Variants in SCHIP1 observed in about 807,000 individuals in gnomAD.
SCHIP1 encodes schwannomin interacting protein 1.
In SCHIP1, 8 loss-of-function variants were observed where a neutral mutation model predicts 29.7. The observed-to-expected ratio is 0.27, with a 90% confidence interval of 0.16 to 0.49. The LOEUF (loss-of-function observed/expected upper bound fraction) is 0.49. SCHIP1 is among the 20% of genes least tolerant of loss of function. The pLI, the probability that SCHIP1 is intolerant of heterozygous loss-of-function variation, is 0.99. For synonymous variants in SCHIP1, 76 were observed against 94.9 expected, an observed-to-expected ratio of 0.80 and a Z score of 1.16; for missense variants, 193 against 294.6, an observed-to-expected ratio of 0.66 and a Z score of 2.52.
intron 2 of SCHIP1, among the ~76,000 whole-genome samples, chr3:159,882,545 C>G (rs932169196): frequency 6.6e-6 from 1 of 152,148 alleles, no homozygotes; most frequent in Admixed American, 6.6e-5. Flanking sequence ...AACAAAGGCC[C>G]AATTCATAAT....
the SCHIP1 span, among the ~76,000 whole-genome samples, chr3:159,479,448 A>G: frequency 2.0e-5 from 3 of 152,210 alleles, no homozygotes; most frequent in Non-Finnish European, 4.4e-5. Context: ...GATGTAGAAT[A>G]GCCTTTATGT....
the SCHIP1 span, among the ~76,000 whole-genome samples, chr3:159,662,869 CAATTT>C: frequency 4.7e-3 from 711 of 152,166 alleles, 7 homozygotes; most frequent in African/African-American, 0.016. Flanking sequence ...ATCAAATGGT[CAATTT>C]AATTTTTTAA....
chr3:159,729,842 A>C, the SCHIP1 span, among the ~76,000 whole-genome samples: 1 of 152,246 alleles, frequency 6.6e-6, no homozygotes, highest in Non-Finnish European at 1.5e-5. Flanking sequence ...TTTAGCTGCA[A>C]TAGACTAGAA....
intron 1 of SCHIP1, among the ~76,000 whole-genome samples, chr3:159,865,543 C>T (rs1376247813): frequency 6.6e-6 from 1 of 152,198 alleles, no homozygotes; most frequent in Non-Finnish European, 1.5e-5. Flanking sequence ...GTCAAGGTTT[C>T]TCACATTCTA....
At chr3:159,885,971 A>G (rs1353170761) in intron 2 of SCHIP1, among the ~76,000 whole-genome samples, 1 of 152,228 alleles carries the variant, frequency 6.6e-6, no homozygotes, top group Non-Finnish European at 1.5e-5. Flanking sequence ...GTGCTCTAAC[A>G]TGGGGCCTTA....
chr3:159,613,207 C>T, the SCHIP1 span, among the ~76,000 whole-genome samples: 2 of 152,126 alleles, frequency 1.3e-5, no homozygotes, highest in African/African-American at 4.8e-5. Flanking sequence ...TGAAATTCTG[C>T]AAGATAGAAT....
chr3:159,403,150 G>T, the SCHIP1 span, among the ~76,000 whole-genome samples: 2 of 152,116 alleles, frequency 1.3e-5, no homozygotes, highest in Non-Finnish European at 2.9e-5. Context: ...CAAATAAAAT[G>T]TAGGGATAAT....
At chr3:159,705,799 CG>C in the SCHIP1 span, among the ~76,000 whole-genome samples, 4 of 152,028 alleles carry the variant, frequency 2.6e-5, no homozygotes, top group African/African-American at 9.7e-5. Context: ...CTCCGCCTCC[CG>C]GGTTCAAGCA....
At chr3:159,322,653 G>A in the SCHIP1 span, among the ~76,000 whole-genome samples, 66 of 152,318 alleles carry the variant, frequency 4.3e-4, no homozygotes, top group African/African-American at 1.4e-3. Context: ...GGAGTGTGAG[G>A]TGGGGTGGGG....
the SCHIP1 span, among the ~76,000 whole-genome samples, chr3:159,650,136 A>T: frequency 0.13 from 20,167 of 152,132 alleles, 3,646 homozygotes; most frequent in African/African-American, 0.41. Flanking sequence ...TCTGGTATAA[A>T]CTATCCAGGA....
At chr3:159,778,151 G>A in the SCHIP1 span, among the ~76,000 whole-genome samples, 5 of 152,008 alleles carry the variant, frequency 3.3e-5, no homozygotes, top group African/African-American at 9.7e-5. Flanking sequence ...CTGCCAGCAC[G>A]CCCAGCTAAT....
chr3:159,502,184 C>T, the SCHIP1 span, among the ~76,000 whole-genome samples: 2 of 152,154 alleles, frequency 1.3e-5, no homozygotes, highest in Non-Finnish European at 2.9e-5. Flanking sequence ...CTCAAGCTCA[C>T]TTGGGACAAA....
At chr3:159,854,577 C>T (rs1713092823) in intron 1 of SCHIP1, among the ~76,000 whole-genome samples, 1 of 152,226 alleles carries the variant, frequency 6.6e-6, no homozygotes, top group Admixed American at 6.5e-5. Context: ...TGATAGTTCG[C>T]TGAGTCTCAT....
chr3:159,534,581 G>A, the SCHIP1 span, among the ~76,000 whole-genome samples: 4 of 152,116 alleles, frequency 2.6e-5, 1 homozygote, highest in Admixed American at 2.6e-4. Context: ...AGCAGGTGGG[G>A]AAAGAGAGAA....
chr3:159,764,560 T>C, the SCHIP1 span: 1 of 1,602,378 alleles, frequency 6.2e-7, no homozygotes, highest in South Asian at 1.1e-5. The surrounding 1 kb of genome is among the most constrained non-coding windows in gnomAD (Gnocchi z 6.1). Flanking sequence ...GTGCAAATCT[T>C]CATCGTCGCC....
the SCHIP1 span, among the ~76,000 whole-genome samples, chr3:159,699,106 G>GT: frequency 6.6e-6 from 1 of 152,166 alleles, no homozygotes; most frequent in Admixed American, 6.5e-5. Flanking sequence ...TCTGTGCCCA[G>GT]TGGAAGCTAA....
chr3:159,601,350 T>C, the SCHIP1 span, among the ~76,000 whole-genome samples: 1 of 151,996 alleles, frequency 6.6e-6, no homozygotes, highest in Non-Finnish European at 1.5e-5. Flanking sequence ...TTTTCTGCTC[T>C]CTATGGAAGC....
chr3:159,510,905 C>T, the SCHIP1 span, among the ~76,000 whole-genome samples: 1 of 152,204 alleles, frequency 6.6e-6, no homozygotes, highest in Non-Finnish European at 1.5e-5. Flanking sequence ...AGTTAGGCTA[C>T]TCAGGGGTCA....
At chr3:159,664,460 GTTTTT>G in the SCHIP1 span, among the ~76,000 whole-genome samples, 5 of 149,024 alleles carry the variant, frequency 3.4e-5, no homozygotes, top group Admixed American at 2.0e-4. Flanking sequence ...AACAGCCATA[GTTTTT>G]TTTTTATTTA....
Sources: allele counts gnomAD v4.1 joint callset (sites outside exome capture counted in the v4.1 genomes callset), GRCh38; gene constraint gnomAD v4.1.1; non-coding constraint Gnocchi (gnomAD v3.1); transcripts MANE v1.5; gene names NCBI Gene and HGNC (gene_info 2026-07-23, HGNC 2026-07-21).